Variants in DACH1 observed in about 807,000 individuals in gnomAD.
DACH1 encodes dachshund homolog 1.
In DACH1, 12 loss-of-function variants were observed where a neutral mutation model predicts 54.2. The ratio of observed to expected loss-of-function variants is 0.22; its 90% CI spans 0.14 to 0.36. The LOEUF is 0.36. Ranked by LOEUF, DACH1 falls within the 10% of genes least tolerant of loss-of-function variation. DACH1 has a pLI of 1.00. For synonymous variants in DACH1, 386 were observed against 366.2 expected (o/e 1.05, Z -0.62); for missense variants, 805 against 929.8 (o/e 0.87, Z 1.75).
intron 3 of DACH1, among the ~76,000 whole-genome samples, chr13:71,615,430 G>C (rs574099228): frequency 2.0e-5 from 3 of 152,276 alleles, no homozygotes; most frequent in Admixed American, 6.5e-5. Context: ...TCTGTGTTTA[G>C]AGCTGGAGTA....
chr13:71,518,268 G>A (rs1240367798), intron 6 of DACH1, among the ~76,000 whole-genome samples: 2 of 151,682 alleles, frequency 1.3e-5, no homozygotes, highest in Non-Finnish European at 2.9e-5. Flanking sequence ...CATCATGGAG[G>A]TACATGCACA....
At chr13:71,804,658 GT>G (rs533679517) in intron 1 of DACH1, among the ~76,000 whole-genome samples, 348 of 152,208 alleles carry the variant, frequency 2.3e-3, no homozygotes, top group South Asian at 5.2e-3. Flanking sequence ...TGCTCACAAA[GT>G]TCCCACCCTC....
chr13:71,720,638 C>A (rs935581437), intron 1 of DACH1, among the ~76,000 whole-genome samples: 5 of 152,106 alleles, frequency 3.3e-5, no homozygotes, highest in Admixed American at 1.3e-4. Flanking sequence ...CCTTTGCCTG[C>A]TAACATGTAA....
intron 1 of DACH1, among the ~76,000 whole-genome samples, chr13:71,798,323 C>CATACATATATAT (rs1292029760): frequency 2.1e-5 from 2 of 96,466 alleles, no homozygotes; most frequent in African/African-American, 7.4e-5. Flanking sequence ...TTGTTACATA[C>CATACATATATAT]ATATATATAT....
In DACH1 at chr13:71,800,038, G is replaced by A. The variant is rs74099142; in HGVS notation, c.848+65884C>T. Among the ~76,000 whole-genome samples the A allele has an allele frequency of 1.0e-3, 154 of 152,134 alleles. 1 individual carries two copies. Among genetic ancestry groups the A allele is most frequent in the African/African-American group, 3.6e-3 (149 of 41,500 alleles). On this transcript the variant is annotated intron_variant, in intron 1 of 10. Transcript: ENST00000613252. ...GTATTTCCAGAAATTTCTCTCTGAC[G>A]AGATTCATGAGTCTGGGTCTTAATT...
chr13:71,847,346 A>G (rs550215224), intron 1 of DACH1, among the ~76,000 whole-genome samples: 16 of 152,328 alleles, frequency 1.1e-4, no homozygotes, highest in Middle Eastern at 3.4e-3. Context: ...AAGTAATTCA[A>G]TAATATGCAA....
chr13:71,618,724 A>T (rs1875973849), intron 3 of DACH1, among the ~76,000 whole-genome samples: 1 of 151,962 alleles, frequency 6.6e-6, no homozygotes. Context: ...TTATTTTAAA[A>T]GCCTACTCAA....
intron 1 of DACH1, among the ~76,000 whole-genome samples, chr13:71,691,459 A>G (rs187059649): frequency 6.6e-6 from 1 of 152,252 alleles, no homozygotes; most frequent in East Asian, 1.9e-4. Flanking sequence ...GAGACACCAG[A>G]AAGTAAAAGT....
intron 6 of DACH1, among the ~76,000 whole-genome samples, chr13:71,489,743 T>A (rs1878833818): frequency 1.3e-5 from 2 of 152,086 alleles, no homozygotes; most frequent in South Asian, 4.1e-4. Flanking sequence ...AAAGACATAA[T>A]TTTTTTGAAC....
chr13:71,651,511 A>T (rs966473506), intron 2 of DACH1, among the ~76,000 whole-genome samples: 1 of 152,114 alleles, frequency 6.6e-6, no homozygotes, highest in African/African-American at 2.4e-5. Context: ...AAACACAAAA[A>T]TTAGCCTGGT....
At chr13:71,498,384 G>T (rs538970349) in intron 6 of DACH1, among the ~76,000 whole-genome samples, 4 of 152,122 alleles carry the variant, frequency 2.6e-5, no homozygotes, top group Non-Finnish European at 5.9e-5. Flanking sequence ...AAATGAGAAG[G>T]ATATAGTCTT....
intron 1 of DACH1, among the ~76,000 whole-genome samples, chr13:71,718,236 T>G (rs1204194344): frequency 6.6e-6 from 1 of 152,072 alleles, no homozygotes. Context: ...ATGAACTCAG[T>G]AATAGATTAT....
intron 3 of DACH1, among the ~76,000 whole-genome samples, chr13:71,611,729 T>C (rs538608451): frequency 4.8e-4 from 73 of 152,296 alleles, no homozygotes; most frequent in African/African-American, 1.5e-3. Flanking sequence ...TAGTCAACTT[T>C]TGTAATATAA....
At chr13:71,716,439 C>T (rs140901303) in intron 1 of DACH1, among the ~76,000 whole-genome samples, 51 of 152,148 alleles carry the variant, frequency 3.4e-4, no homozygotes, top group Non-Finnish European at 6.2e-4. Context: ...ACTTTCCTAC[C>T]CTCACTCTGT....
chr13:71,847,384 T>C (rs539586147), intron 1 of DACH1, among the ~76,000 whole-genome samples: 1 of 152,322 alleles, frequency 6.6e-6, no homozygotes, highest in East Asian at 1.9e-4. Context: ...CTATTGCATT[T>C]ATAATGGGTG....
chr13:71,546,085 A>G (rs1883446645), intron 6 of DACH1, among the ~76,000 whole-genome samples: 2 of 152,128 alleles, frequency 1.3e-5, no homozygotes, highest in Admixed American at 1.3e-4. Context: ...GTAGAAAATT[A>G]CATTTTACTT....
intron 1 of DACH1, among the ~76,000 whole-genome samples, chr13:71,853,401 A>G (rs1873799482): frequency 6.6e-6 from 1 of 152,180 alleles, no homozygotes; most frequent in Admixed American, 6.6e-5. Flanking sequence ...GTGTGAACTC[A>G]TCTTGAGTGA....
At chr13:71,788,089 T>A (rs1396006307) in intron 1 of DACH1, among the ~76,000 whole-genome samples, 1 of 152,160 alleles carries the variant, frequency 6.6e-6, no homozygotes, top group East Asian at 1.9e-4. Flanking sequence ...TATGTGTGGG[T>A]GGGTTTTTGT....
Position 71,596,675 on chromosome 13 carries a change from C to T in DACH1, c.1127-23663G>A, listed in dbSNP as rs1874117917. On this transcript the variant is annotated intron_variant, in intron 3 of 10. Coordinates refer to ENST00000613252, the MANE Select transcript of DACH1 (RefSeq NM_080759.6). ...TGTATTAGGGCTACATCTTCATTTG[C>T]TACTTTATAGGTACGAACAAAGCAC... is the stretch of plus-strand genomic sequence containing the variant. Among the ~76,000 whole-genome samples, 5 of 152,264 alleles carry T rather than the reference C, an allele frequency of 3.3e-5. No individual in the cohort carries two copies. The South Asian group carries it at 1.0e-3, about 32-fold the overall frequency.
Sources: gnomAD v4.1 joint callset for allele counts (sites outside exome capture counted in the v4.1 genomes callset) on GRCh38, gnomAD v4.1.1 for gene constraint, MANE v1.5 for transcripts, NCBI Gene and HGNC (gene_info 2026-07-23, HGNC 2026-07-21) for gene names.